Variants in PLSCR2 observed in about 807,000 individuals in gnomAD.
The protein encoded by PLSCR2 is phospholipid scramblase 2, also known as PL scramblase 2.
A neutral mutation model predicts 25.3 loss-of-function variants in PLSCR2; 18 were observed. The ratio of observed to expected loss-of-function variants is 0.71; its 90% CI spans 0.49 to 1.06. PLSCR2 has a LOEUF of 1.06. Ranked by LOEUF, PLSCR2 falls within the 50% of genes least tolerant of loss-of-function variation. The probability of loss-of-function intolerance (pLI) is 0.00; values close to 1 mark genes in which losing one functional copy is unlikely to be tolerated. For missense variants in PLSCR2, 243 were observed against 269.5 expected (o/e 0.90, Z 0.69); for synonymous variants, 88 against 87.3 (o/e 1.01, Z -0.04).
Position 146,472,276 on chromosome 3 carries a change from CAGTT to C in PLSCR2, c.-292-11996_-292-11993del, listed in dbSNP as rs368550144. 4.0e-4 allele frequency among the ~76,000 whole-genome samples: 61 copies of C among 152,280 alleles called. No individual in the cohort carries two copies. In the South Asian group the frequency reaches 9.9e-3, roughly 25 times the overall value. On this transcript the variant is annotated intron_variant, in intron 1 of 8. Coordinates refer to the PLSCR2 transcript ENST00000336685. Reference sequence around the variant, plus strand: ...GTATTTTCATTCTAATTGGCTGTGTCAGTTAGTTTTGCTGTTGCTTTAGCTAATA... The same window carrying C: ...GTATTTTCATTCTAATTGGCTGTGTCAGTTTTGCTGTTGCTTTAGCTAATA...
chr3:146,475,630 C>T (rs995460846), intron 1 of PLSCR2, among the ~76,000 whole-genome samples: 1 of 152,146 alleles, frequency 6.6e-6, no homozygotes, highest in African/African-American at 2.4e-5. Context: ...TTATGTGTGA[C>T]CACTGACATC....
intron 2 of PLSCR2, among the ~76,000 whole-genome samples, chr3:146,404,417 C>T (rs1235937307): frequency 6.6e-6 from 1 of 152,130 alleles, no homozygotes; most frequent in African/African-American, 2.4e-5. Flanking sequence ...GCCATAATGG[C>T]AACAATCTAT....
At position 146,445,120 on chromosome 3, in the gene PLSCR2, C is replaced by T. The variant is rs137970417; in HGVS notation, c.646-3299G>A. Among the ~76,000 whole-genome samples the T allele has an allele frequency of 1.7e-3, 261 of 152,148 alleles. 1 individual carries two copies. Among genetic ancestry groups the T allele is most frequent in the African/African-American group, 6.1e-3 (255 of 41,536 alleles). On this transcript the variant is annotated intron_variant, in intron 6 of 6. Coordinates refer to ENST00000610787, the Ensembl canonical transcript of PLSCR2. ...CTATTTATATGTTATTATACTATGT[C>T]TTTAAGAGTTGTTGCAGTTTTTATT...
intron 3 of PLSCR2, among the ~76,000 whole-genome samples, chr3:146,392,450 A>G (rs1384239256): frequency 6.6e-6 from 1 of 151,884 alleles, no homozygotes. Flanking sequence ...CGCTTTCTTA[A>G]GTTTAGTGGT....
intron 2 of PLSCR2, among the ~76,000 whole-genome samples, chr3:146,414,363 C>T (rs2038948223): frequency 6.6e-6 from 1 of 152,146 alleles, no homozygotes; most frequent in Admixed American, 6.5e-5. Flanking sequence ...CTGACTCTTC[C>T]TTGATTCTCT....
intron 5 of PLSCR2, among the ~76,000 whole-genome samples, chr3:146,451,208 G>A (rs2040875708): frequency 6.7e-6 from 1 of 148,636 alleles, no homozygotes; most frequent in South Asian, 2.1e-4. Flanking sequence ...TCCTGTTCCC[G>A]GGTTCAAGGG....
downstream of PLSCR2, among the ~76,000 whole-genome samples, chr3:146,439,549 C>T (rs2040105394): frequency 6.6e-6 from 1 of 152,184 alleles, no homozygotes; most frequent in Non-Finnish European, 1.5e-5. Context: ...GATACCCTTT[C>T]TTCCACTTGA....
chr3:146,453,173 G>T (rs112333571), intron 5 of PLSCR2, among the ~76,000 whole-genome samples: 1 of 151,970 alleles, frequency 6.6e-6, no homozygotes, highest in Admixed American at 6.6e-5. Flanking sequence ...AATGAAACTG[G>T]ATAGTGCTAA....
intron 2 of PLSCR2, among the ~76,000 whole-genome samples, chr3:146,427,130 A>G (rs1346798034): frequency 6.6e-6 from 1 of 152,228 alleles, no homozygotes; most frequent in Non-Finnish European, 1.5e-5. Flanking sequence ...CAACTTTGAG[A>G]ACTTTCAAGA....
chr3:146,411,813 TA>T (rs2038861796), intron 2 of PLSCR2, among the ~76,000 whole-genome samples: 1 of 152,158 alleles, frequency 6.6e-6, no homozygotes, highest in Non-Finnish European at 1.5e-5. Context: ...GTTAAAAGGA[TA>T]AATGGTTACA....
intron 2 of PLSCR2, among the ~76,000 whole-genome samples, chr3:146,426,354 T>C (rs1215673692): frequency 6.6e-6 from 1 of 151,936 alleles, no homozygotes; most frequent in African/African-American, 2.4e-5. Flanking sequence ...AAATGTCTGA[T>C]TATTCTACCT....
Position 146,454,133 on chromosome 3 carries a change from C to G in PLSCR2, c.352G>C (p.Val118Leu), listed in dbSNP as rs560707677. 6.3e-6 allele frequency: 10 copies of G among 1,598,186 alleles called. No individual in the cohort carries two copies. Among genetic ancestry groups the G allele is most frequent in the African/African-American group, 1.4e-5 (1 of 73,952 alleles). ...TGCCAGGTCTGAGTAACATAACCTA[C>G]TGGTACACCAGGAGGAGCTTGGATT... is the stretch of plus-strand genomic sequence containing the variant. Residue 118 changes from valine to leucine, a missense_variant, in exon 5 of 7, where the codon GTA (valine) becomes CTA (leucine). By Grantham distance (32) the Val-to-Leu change is conservative. Coordinates refer to ENST00000610787, the Ensembl canonical transcript of PLSCR2.
chr3:146,412,984 G>C (rs988240845), intron 2 of PLSCR2, among the ~76,000 whole-genome samples: 1 of 152,150 alleles, frequency 6.6e-6, no homozygotes, highest in Non-Finnish European at 1.5e-5. Context: ...TAGAGGCAAG[G>C]GGGTGAAGAG....
At chr3:146,465,245 G>C (rs2041809552), upstream of PLSCR2, among the ~76,000 whole-genome samples, 1 of 152,132 alleles carries the variant, frequency 6.6e-6, no homozygotes, top group Non-Finnish European at 1.5e-5. Context: ...AATGCCGCAT[G>C]TAGCATCTCT....
downstream of PLSCR2, among the ~76,000 whole-genome samples, chr3:146,440,164 A>G (rs2040145324): frequency 6.6e-6 from 1 of 152,096 alleles, no homozygotes; most frequent in African/African-American, 2.4e-5. Flanking sequence ...CCCTGGCTAT[A>G]TGAGGTGTCA....
chr3:146,418,545 A>C (rs1018680050), intron 2 of PLSCR2, among the ~76,000 whole-genome samples: 1 of 152,166 alleles, frequency 6.6e-6, no homozygotes, highest in African/African-American at 2.4e-5. Flanking sequence ...TATAGAATGA[A>C]AAAAGGAATC....
chr3:146,393,151 C>T (rs558611131), intron 3 of PLSCR2, among the ~76,000 whole-genome samples: 10 of 150,536 alleles, frequency 6.6e-5, no homozygotes, highest in African/African-American at 2.4e-4. Context: ...GCCTCAGCCT[C>T]CCAAGTAGCT....
chr3:146,460,192 T>C lies in PLSCR2; in HGVS notation c.-200A>G, dbSNP rs1036765118. The C allele has an allele frequency of 4.3e-6, 6 of 1,398,182 alleles. No homozygotes were observed. In the African/African-American group the frequency reaches 8.7e-5, roughly 20 times the overall value. The allele number at this position is 1,398,182 out of a possible 1,614,324, so 86.6% of individuals were successfully genotyped here. A position where few individuals can be genotyped will look rare whatever the true frequency, so the allele number is the denominator to read the frequency against. On this transcript the variant is annotated 5_prime_UTR_variant, in exon 1 of 7. Coordinates refer to ENST00000610787, the Ensembl canonical transcript of PLSCR2. ...CTGACCTCTCAGCTCAGAAGTCCTA[T>C]ATCTGTGAAGCTTGAGGTATGTTTT...
intron 2 of PLSCR2, among the ~76,000 whole-genome samples, chr3:146,405,348 T>C (rs1351919275): frequency 6.6e-6 from 1 of 152,180 alleles, no homozygotes; most frequent in African/African-American, 2.4e-5. Context: ...CTTGCCACAG[T>C]ATCTTATCAG....
Sources: allele counts gnomAD v4.1 joint callset (sites outside exome capture counted in the v4.1 genomes callset), GRCh38; gene constraint gnomAD v4.1.1; transcripts MANE v1.5; gene names NCBI Gene and HGNC (gene_info 2026-07-23, HGNC 2026-07-21).